The following FMN2 variants were observed in gnomAD, a reference collection of about 807,000 sequenced individuals.
The protein encoded by FMN2 is formin-2.
In FMN2, 51 loss-of-function variants were observed where a neutral mutation model predicts 142.3. The observed-to-expected ratio is 0.36, with a 90% confidence interval of 0.29 to 0.45. The LOEUF (loss-of-function observed/expected upper bound fraction) is 0.45. FMN2 is among the 20% of genes least tolerant of loss of function. The probability of loss-of-function intolerance (pLI) is 1.00; values close to 1 mark genes in which losing one functional copy is unlikely to be tolerated. For synonymous variants in FMN2, 882 were observed against 869.8 expected, an observed-to-expected ratio of 1.01 and a Z score of -0.25; for missense variants, 1,936 against 2,122.8, an observed-to-expected ratio of 0.91 and a Z score of 1.73.
At position 240,144,283 on chromosome 1, in the gene FMN2, C is replaced by T. The variant is rs538712041; in HGVS notation, c.1782+20938C>T. 6.9e-6 allele frequency: 11 copies of T among 1,604,876 alleles called. No homozygotes were observed. The African/African-American group carries it at 8.0e-5, about 12-fold the overall frequency. On this transcript the variant is annotated intron_variant, in intron 2 of 17. Transcript: ENST00000319653. ...AGGCCAGGTTCATGCGGGCAGAGTC[C>T]ACCTGAGAGCCACTGCCCCCAAACC... is the stretch of plus-strand genomic sequence containing the variant.
At chr1:240,148,442 C>T (rs1166848200) in intron 2 of FMN2, among the ~76,000 whole-genome samples, 2 of 116,426 alleles carry the variant, frequency 1.7e-5, no homozygotes, top group East Asian at 2.5e-4. Context: ...AAGAGAGAGA[C>T]AGAGAGAGAG....
At chr1:240,255,225 C>G (rs1668410679) in intron 6 of FMN2, among the ~76,000 whole-genome samples, 1 of 152,170 alleles carries the variant, frequency 6.6e-6, no homozygotes, top group Non-Finnish European at 1.5e-5. Context: ...TGTTACCTGT[C>G]ACTTATTTCT....
chr1:240,284,422 A>C (rs61829201), intron 7 of FMN2, among the ~76,000 whole-genome samples: 12,955 of 152,122 alleles, frequency 0.085, 736 homozygotes, highest in South Asian at 0.15. Flanking sequence ...TTTTCATTTT[A>C]CTTCCTAATA....
chr1:240,329,588 C>T, intron 10 of FMN2, 120 bp downstream of exon 10: 1 of 1,300,382 alleles, frequency 7.7e-7, no homozygotes, highest in Non-Finnish European at 1.1e-6. Context: ...TGAAGGATCG[C>T]AGTCCCACAG....
intron 7 of FMN2, among the ~76,000 whole-genome samples, chr1:240,272,806 T>C (rs1669064577): frequency 6.6e-6 from 1 of 152,210 alleles, no homozygotes; most frequent in South Asian, 2.1e-4. Flanking sequence ...CTGTTGACTA[T>C]CTTGCATCTT....
intron 6 of FMN2, among the ~76,000 whole-genome samples, chr1:240,251,018 A>G (rs1429178105): frequency 6.7e-6 from 1 of 150,148 alleles, no homozygotes; most frequent in African/African-American, 2.5e-5. Flanking sequence ...AATTTTGTTT[A>G]TTTTTTCATA....
At chr1:240,132,166 A>G (rs1336008714) in intron 2 of FMN2, among the ~76,000 whole-genome samples, 1 of 152,216 alleles carries the variant, frequency 6.6e-6, no homozygotes, top group East Asian at 1.9e-4. Context: ...TAAAGACGGA[A>G]CAGATTTCAG....
intron 7 of FMN2, among the ~76,000 whole-genome samples, chr1:240,259,124 A>G (rs1668541282): frequency 6.6e-6 from 1 of 152,204 alleles, no homozygotes; most frequent in Non-Finnish European, 1.5e-5. Flanking sequence ...ATTTGGGGTA[A>G]TAGTCATAGA....
intron 4 of FMN2, among the ~76,000 whole-genome samples, chr1:240,199,688 TGG>T (rs1180109516): frequency 2.0e-5 from 3 of 152,216 alleles, no homozygotes; most frequent in Non-Finnish European, 2.9e-5. Context: ...CCAACGTAGA[TGG>T]CAGACTCTAC....
rs1676870733 is a variant in FMN2, at chr1:240,473,269, C to CATTTAAGTTT, written c.5142+817_5142+826dup. Among the ~76,000 whole-genome samples, 1 of 152,110 alleles carries CATTTAAGTTT rather than the reference C, an allele frequency of 6.6e-6. No homozygotes were observed. Among genetic ancestry groups the CATTTAAGTTT allele is most frequent in the South Asian group, 2.1e-4 (1 of 4,832 alleles). On this transcript the variant is annotated intron_variant, in intron 17 of 17. Coordinates refer to ENST00000319653, the MANE Select transcript of FMN2 (RefSeq NM_020066.5). The surrounding 1 kb of genome is among the most constrained non-coding windows in gnomAD (Gnocchi z 4.3). Reference sequence around the variant, plus strand: ...GTCCAGAGACGGAGTTTAACAAGCTCATTTAAGTTTCCTGCTTGCCCACTC... The same window carrying CATTTAAGTTT: ...GTCCAGAGACGGAGTTTAACAAGCTCATTTAAGTTTATTTAAGTTTCCTGCTTGCCCACTC...
Position 240,392,130 on chromosome 1 carries a change from G to A in FMN2, c.4859-381G>A, listed in dbSNP as rs556049414. ...TCTGTTTAGGGTTTTTTTTTTTGAC[G>A]TGTTTACACCTTTGCTTGAGGGAAT... On this transcript the variant is annotated intron_variant, in intron 14 of 17. Coordinates refer to ENST00000319653, the MANE Select transcript of FMN2 (RefSeq NM_020066.5). 4.7e-5 allele frequency among the ~76,000 whole-genome samples: 7 copies of A among 149,670 alleles called. No homozygotes were observed. In the South Asian group the frequency reaches 6.3e-4, roughly 14 times the overall value.
chr1:240,372,086 A>G (rs1041863611), intron 14 of FMN2, among the ~76,000 whole-genome samples: 28 of 152,116 alleles, frequency 1.8e-4, no homozygotes, highest in African/African-American at 6.5e-4. Context: ...AAATACAAAA[A>G]TTAGCTGGGC....
chr1:240,368,301 T>C (rs1374160986), intron 14 of FMN2, among the ~76,000 whole-genome samples: 1 of 152,230 alleles, frequency 6.6e-6, no homozygotes, highest in Non-Finnish European at 1.5e-5. Flanking sequence ...ACACAGGCTA[T>C]AGATCAGACT....
intron 15 of FMN2, among the ~76,000 whole-genome samples, chr1:240,420,967 A>T (rs996230123): frequency 1.1e-4 from 16 of 152,202 alleles, no homozygotes; most frequent in African/African-American, 3.9e-4. Flanking sequence ...TCCAACCTCC[A>T]TGGAGGAGAG....
chr1:240,438,534 C>T (rs897664098), intron 16 of FMN2, among the ~76,000 whole-genome samples: 2 of 152,158 alleles, frequency 1.3e-5, no homozygotes, highest in African/African-American at 2.4e-5. Context: ...GGCAGACCCA[C>T]GCACTTCAAA....
chr1:240,279,089 G>C (rs959175394), intron 7 of FMN2, among the ~76,000 whole-genome samples: 1 of 152,130 alleles, frequency 6.6e-6, no homozygotes, highest in Non-Finnish European at 1.5e-5. Flanking sequence ...TGATGGACAC[G>C]TCAGTGCTGA....
At chr1:240,237,726 A>AGTACTTT (rs1336534533) in intron 6 of FMN2, among the ~76,000 whole-genome samples, 1 of 140,574 alleles carries the variant, frequency 7.1e-6, no homozygotes, top group Non-Finnish European at 1.6e-5. Flanking sequence ...CACTGGGCTT[A>AGTACTTT]GTACTTTATC....
chr1:240,355,416 C>T (rs539528993), intron 13 of FMN2, among the ~76,000 whole-genome samples: 5 of 152,222 alleles, frequency 3.3e-5, no homozygotes, highest in South Asian at 2.1e-4. Flanking sequence ...AAAATAGTTA[C>T]ATATTGCTTT....
intron 16 of FMN2, among the ~76,000 whole-genome samples, chr1:240,441,339 A>G (rs73130227): frequency 0.13 from 19,518 of 152,094 alleles, 1,689 homozygotes; most frequent in East Asian, 0.31. Flanking sequence ...AAGTATTTCC[A>G]AAATGTTTTG....
Sources: gnomAD v4.1 joint callset for allele counts (sites outside exome capture counted in the v4.1 genomes callset) on GRCh38, gnomAD v4.1.1 for gene constraint, Gnocchi (gnomAD v3.1) non-coding constraint, MANE v1.5 for transcripts, NCBI Gene and HGNC (gene_info 2026-07-23, HGNC 2026-07-21) for gene names.